PTCHD4: variants seen among roughly 807,000 people sequenced by gnomAD.
The protein encoded by PTCHD4 is patched domain-containing protein 4.
A neutral mutation model predicts 58.1 loss-of-function variants in PTCHD4; 33 were observed. The ratio of observed to expected loss-of-function variants is 0.57; its 90% CI spans 0.43 to 0.76. The LOEUF (loss-of-function observed/expected upper bound fraction) is 0.76. Among genes scored for constraint, PTCHD4 ranks in the 30% least tolerant of loss-of-function variants. The probability of loss-of-function intolerance (pLI) is 0.00; values close to 1 mark genes in which losing one functional copy is unlikely to be tolerated. For synonymous variants in PTCHD4, 478 were observed against 409.6 expected, an observed-to-expected ratio of 1.17 and a Z score of -2.02; for missense variants, 1,058 against 1,027.1, an observed-to-expected ratio of 1.03 and a Z score of -0.41.
intron 4 of PTCHD4, among the ~76,000 whole-genome samples, chr6:47,992,161 C>T (rs1768301962): frequency 6.6e-6 from 1 of 152,010 alleles, no homozygotes; most frequent in Admixed American, 6.6e-5. Context: ...TCTGATGAAG[C>T]TATAGTAATA....
Position 48,068,515 on chromosome 6 carries a change from G to A in PTCHD4, c.132C>T (p.Thr44=), listed in dbSNP as rs200272670. 1 of 1,612,664 alleles carries A rather than the reference G, an allele frequency of 6.2e-7. No homozygotes were observed. The change falls in exon 3 of 5, where the codon ACC becomes ACT. Residue 44 remains threonine, a synonymous_variant. Coordinates refer to ENST00000339488, the MANE Select transcript of PTCHD4 (RefSeq NM_001384253.1). The surrounding 1 kb of genome is among the most constrained non-coding windows in gnomAD (Gnocchi z 4.2). ...AGGTGATTGTCAGGACTGCGGGCAC[G>A]GTGAGGAAAAAGACCGGGTGCCGGC... The part of the protein sequence containing the change: ...CVSRHPVFFL[T]VPAVLTITFG...
intron 4 of PTCHD4, among the ~76,000 whole-genome samples, chr6:47,995,094 A>T (rs1768432361): frequency 6.6e-6 from 1 of 152,196 alleles, no homozygotes; most frequent in Non-Finnish European, 1.5e-5. Flanking sequence ...CTGTTTATTG[A>T]CATATATAAG....
chr6:47,879,198 G>T lies in PTCHD4; in HGVS notation c.1637C>A (p.Ser546Tyr). 1 of 1,612,600 alleles carries T rather than the reference G, an allele frequency of 6.2e-7. No homozygotes were observed. Among genetic ancestry groups the T allele is most frequent in the South Asian group, 1.1e-5 (1 of 91,042 alleles). ...GAACTGGTAGTACTGCTCCACCCAG[G>T]ACACTGCAGTGAATCCACTACAGAG... ...RRLCSGFTAV[S>Y]WVEQYYQFLK... The change falls in exon 5 of 5, where the codon TCC (serine) becomes TAC (tyrosine). Residue 546 changes from serine to tyrosine, a missense_variant. Ser to Tyr is a moderately radical substitution (Grantham distance 144). Coordinates refer to ENST00000339488, the MANE Select transcript of PTCHD4 (RefSeq NM_001384253.1).
Position 47,869,467 on chromosome 6 carries a change from C to T in PTCHD4, c.*8836G>A, listed in dbSNP as rs1191597518. Among the ~76,000 whole-genome samples, 5 of 151,472 alleles carry T rather than the reference C, an allele frequency of 3.3e-5. No individual in the cohort carries two copies. The highest frequency in any genetic ancestry group is 4.4e-5 in the Non-Finnish European group (3 of 67,762). ...AATTTTAGGTAGAATTTATTTGACC[C>T]GATTATAAATTGCTGTAGATTTGAA... On this transcript the variant is annotated 3_prime_UTR_variant, in exon 5 of 5. Coordinates refer to ENST00000339488, the MANE Select transcript of PTCHD4 (RefSeq NM_001384253.1).
chr6:48,083,108 C>T (rs950952463), intron 1 of PTCHD4, among the ~76,000 whole-genome samples: 1 of 150,240 alleles, frequency 6.7e-6, no homozygotes, highest in Non-Finnish European at 1.5e-5. Flanking sequence ...TATTTTTAAA[C>T]TTTCTTCCAG....
At chr6:48,031,835 G>T (rs146051784) in intron 3 of PTCHD4, among the ~76,000 whole-genome samples, 102 of 152,040 alleles carry the variant, frequency 6.7e-4, no homozygotes, top group Admixed American at 1.8e-3. Context: ...ATAAGACATG[G>T]GCTTAAAATG....
intron 3 of PTCHD4, among the ~76,000 whole-genome samples, chr6:48,039,621 A>C (rs1452112349): frequency 6.6e-6 from 1 of 152,144 alleles, no homozygotes; most frequent in Non-Finnish European, 1.5e-5. Context: ...TTACACAATT[A>C]AAATGCTAGA....
rs916713135 is a variant in PTCHD4, at chr6:47,877,732, A to G, written c.*571T>C. Among the ~76,000 whole-genome samples, 1 of 152,058 alleles carries G rather than the reference A, an allele frequency of 6.6e-6. No homozygotes were observed. The highest frequency in any genetic ancestry group is 1.5e-5 in the Non-Finnish European group (1 of 67,978). On this transcript the variant is annotated 3_prime_UTR_variant, in exon 5 of 5. Coordinates refer to ENST00000339488, the MANE Select transcript of PTCHD4 (RefSeq NM_001384253.1). ...TCTTCAAATGGACAGCTCCCTCCAC[A>G]TAAACGTCAATGTACCCTAAAGACA... is the stretch of plus-strand genomic sequence containing the variant.
chr6:48,092,170 TC>T (rs1169110058), intron 1 of PTCHD4, among the ~76,000 whole-genome samples: 4 of 152,188 alleles, frequency 2.6e-5, no homozygotes, highest in African/African-American at 9.7e-5. Context: ...ATTCTAATTT[TC>T]CCATTCCATA....
chr6:48,050,324 T>G (rs1764185541), intron 3 of PTCHD4, among the ~76,000 whole-genome samples: 1 of 152,034 alleles, frequency 6.6e-6, no homozygotes. Context: ...TAAGTGAGAA[T>G]GAATTTGATG....
At chr6:48,099,495 A>C (rs1440789377) in intron 1 of PTCHD4, among the ~76,000 whole-genome samples, 1 of 152,222 alleles carries the variant, frequency 6.6e-6, no homozygotes, top group Non-Finnish European at 1.5e-5. Flanking sequence ...GGCTAGCTGA[A>C]AAGGAAAGCC....
rs573660905 is a variant in PTCHD4, at chr6:47,876,491, T to A, written c.*1812A>T. ...AAAGTTATATGTCTAAGTATACTTG[T>A]TTTGTTACTTCATTAGTCTATCAAC... On this transcript the variant is annotated 3_prime_UTR_variant, in exon 5 of 5. Coordinates refer to ENST00000339488, the MANE Select transcript of PTCHD4 (RefSeq NM_001384253.1). Among the ~76,000 whole-genome samples, 1 of 152,088 alleles carries A rather than the reference T, an allele frequency of 6.6e-6. No homozygotes were observed. The highest frequency in any genetic ancestry group is 2.4e-5 in the African/African-American group (1 of 41,540).
chr6:47,931,696 A>G (rs1765827910), intron 4 of PTCHD4, among the ~76,000 whole-genome samples: 1 of 152,206 alleles, frequency 6.6e-6, no homozygotes, highest in Admixed American at 6.5e-5. Flanking sequence ...TTTAGGCTGT[A>G]TGCTCTTTGA....
chr6:47,955,840 T>C (rs1215592011), intron 4 of PTCHD4, among the ~76,000 whole-genome samples: 1 of 152,196 alleles, frequency 6.6e-6, no homozygotes, highest in East Asian at 1.9e-4. Context: ...TAGTAAGAGA[T>C]AAGCCTGGAT....
intron 4 of PTCHD4, among the ~76,000 whole-genome samples, chr6:48,002,464 G>A (rs1024029941): frequency 1.7e-4 from 26 of 151,978 alleles, no homozygotes; most frequent in Admixed American, 1.3e-4. Flanking sequence ...TTGTAGGGAC[G>A]TGGGTGAAGC....
intron 3 of PTCHD4, among the ~76,000 whole-genome samples, chr6:48,057,690 C>T (rs1303038955): frequency 6.6e-6 from 1 of 152,042 alleles, no homozygotes; most frequent in African/African-American, 2.4e-5. Context: ...GATAAGAAAC[C>T]AGGAAAGTTC....
chr6:48,022,502 A>G (rs1399868884), intron 3 of PTCHD4, among the ~76,000 whole-genome samples: 1 of 152,158 alleles, frequency 6.6e-6, no homozygotes, highest in African/African-American at 2.4e-5. Flanking sequence ...TTCAGCTTCA[A>G]AGATATTAAA....
At position 48,015,135 on chromosome 6, in the gene PTCHD4, G is replaced by A. The variant is rs999563048; in HGVS notation, c.418-6021C>T. Among the ~76,000 whole-genome samples the A allele has an allele frequency of 2.7e-5, 4 of 150,756 alleles. 1 individual carries two copies. ...CCAATAAAGACAAGTCTTAAAGTAAGAATATGACAAGATGCTAACATGCTG... is the reference window on the plus strand; with the variant it reads ...CCAATAAAGACAAGTCTTAAAGTAAAAATATGACAAGATGCTAACATGCTG... On this transcript the variant is annotated intron_variant, in intron 3 of 4. Transcript: ENST00000339488.
At chr6:47,932,294 T>C (rs1272608927) in intron 4 of PTCHD4, among the ~76,000 whole-genome samples, 1 of 152,162 alleles carries the variant, frequency 6.6e-6, no homozygotes, top group Non-Finnish European at 1.5e-5. Context: ...CACTGTGCTG[T>C]GTAAGGCATT....
Sources: allele counts gnomAD v4.1 joint callset (sites outside exome capture counted in the v4.1 genomes callset), GRCh38; gene constraint gnomAD v4.1.1; non-coding constraint Gnocchi (gnomAD v3.1); transcripts MANE v1.5; gene names NCBI Gene and HGNC (gene_info 2026-07-23, HGNC 2026-07-21).